Variants in CRTC1 observed in about 807,000 individuals in gnomAD.
The protein encoded by CRTC1 is CREB regulated transcription coactivator 1.
In CRTC1, 18 loss-of-function variants were observed where a neutral mutation model predicts 66.1. The ratio of observed to expected loss-of-function variants is 0.27; its 90% confidence interval spans 0.19 to 0.40. CRTC1 has a LOEUF of 0.40. Among genes scored for constraint, CRTC1 ranks in the 10% least tolerant of loss-of-function variants. The pLI, the probability that CRTC1 is intolerant of heterozygous loss-of-function variation, is 1.00. For missense variants in CRTC1, 669 were observed against 887.9 expected (o/e 0.75, Z 3.13); for synonymous variants, 416 against 398.8 (o/e 1.04, Z -0.51).
intron 10 of CRTC1, among the ~76,000 whole-genome samples, chr19:18,769,692 C>T (rs931398780): frequency 5.9e-5 from 9 of 152,036 alleles, no homozygotes; most frequent in Non-Finnish European, 1.0e-4. Flanking sequence ...GGTGGGGCCT[C>T]GCCTTGGAGC....
intron 1 of CRTC1, among the ~76,000 whole-genome samples, chr19:18,740,887 C>A (rs1014693284): frequency 6.6e-6 from 1 of 152,120 alleles, no homozygotes; most frequent in Non-Finnish European, 1.5e-5. Context: ...TGCCTGTAGT[C>A]TCAGCTAGTT....
chr19:18,762,966 G>A (rs920885040), intron 8 of CRTC1, among the ~76,000 whole-genome samples: 5 of 152,228 alleles, frequency 3.3e-5, no homozygotes, highest in Admixed American at 6.5e-5. Context: ...GCCACATCTT[G>A]ACGTTTCTGA....
At chr19:18,694,298 CAAAAAAAAA>C (rs202211420) in intron 1 of CRTC1, among the ~76,000 whole-genome samples, 2 of 91,330 alleles carry the variant, frequency 2.2e-5, no homozygotes, top group Admixed American at 2.3e-4. Context: ...GACTCCATCT[CAAAAAAAAA>C]AAAAAAAAAA....
chr19:18,695,913 C>T (rs1235330764), intron 1 of CRTC1, among the ~76,000 whole-genome samples: 1 of 152,132 alleles, frequency 6.6e-6, no homozygotes, highest in Non-Finnish European at 1.5e-5. Flanking sequence ...ACAGGATGGC[C>T]CCCACCACAG....
chr19:18,726,569 C>G (rs770547066), intron 1 of CRTC1, among the ~76,000 whole-genome samples: 1 of 152,182 alleles, frequency 6.6e-6, no homozygotes, highest in African/African-American at 2.4e-5. Context: ...TACAGATGGA[C>G]TTAAGTCATG....
At chr19:18,773,741 T>G (rs576792627) in intron 11 of CRTC1, among the ~76,000 whole-genome samples, 1 of 152,224 alleles carries the variant, frequency 6.6e-6, no homozygotes, top group African/African-American at 2.4e-5. Flanking sequence ...CCTTTTTACC[T>G]CTTCTCTGGC....
rs2054487470 is a variant in CRTC1, at chr19:18,756,350, A to AC, written c.624+2765_624+2766insC. Among the ~76,000 whole-genome samples, 4 of 150,676 alleles carry AC rather than the reference A, an allele frequency of 2.7e-5. No individual in the cohort carries two copies. The South Asian group carries it at 6.3e-4, about 24-fold the overall frequency. On this transcript the variant is annotated intron_variant, in intron 6 of 13. Coordinates refer to ENST00000321949, the MANE Select transcript of CRTC1 (RefSeq NM_015321.3). Reference sequence around the variant, plus strand: ...ACTCCATCTCAAAAAAAAAAAAAAAAAAAAACTCTAGGCTGGACGGACACA... The same window carrying AC: ...ACTCCATCTCAAAAAAAAAAAAAAAACAAAAACTCTAGGCTGGACGGACACA...
chr19:18,756,349 A>AAT (rs1196356345), intron 6 of CRTC1, among the ~76,000 whole-genome samples: 1 of 150,666 alleles, frequency 6.6e-6, no homozygotes, highest in Non-Finnish European at 1.5e-5. Context: ...AAAAAAAAAA[A>AAT]AAAAAACTCT....
intron 1 of CRTC1, among the ~76,000 whole-genome samples, chr19:18,702,169 C>T (rs1475474119): frequency 2.0e-5 from 3 of 151,390 alleles, no homozygotes; most frequent in Admixed American, 6.6e-5. Flanking sequence ...GTGATTTGCC[C>T]GCCTCAGCCT....
In CRTC1 at chr19:18,760,881, C is replaced by T. The variant is rs2054598558; in HGVS notation, c.886+653C>T. ...GTCAGCGTGTCCTGTCGGTTCCGCC[C>T]TCAGGACCTGGCCTGACCTGGCTCC... On this transcript the variant is annotated intron_variant, in intron 8 of 13. Coordinates refer to ENST00000321949, the MANE Select transcript of CRTC1 (RefSeq NM_015321.3). The surrounding 1 kb of genome is among the most constrained non-coding windows in gnomAD (Gnocchi z 6.2). Among the ~76,000 whole-genome samples, 1 of 152,038 alleles carries T rather than the reference C, an allele frequency of 6.6e-6. No individual in the cohort carries two copies. Among genetic ancestry groups the T allele is most frequent in the African/African-American group, 2.4e-5 (1 of 41,358 alleles).
In CRTC1 at chr19:18,771,869, C is replaced by T. The variant is rs572299588; in HGVS notation, c.1425+323C>T. 6.6e-6 allele frequency among the ~76,000 whole-genome samples: 1 copy of T among 152,310 alleles called. No individual in the cohort carries two copies. Among genetic ancestry groups the T allele is most frequent in the African/African-American group, 2.4e-5 (1 of 41,552 alleles). ...GGCCCAGGGACAATGCCCTCCACAC[C>T]CAGTGTGTCACCCAGAGCATGAGCT... is the stretch of plus-strand genomic sequence containing the variant. On this transcript the variant is annotated intron_variant, in intron 11 of 13. Transcript: ENST00000321949. This position sits in a 1 kb window ranked among gnomAD's most constrained non-coding sequence, Gnocchi z 4.6.
intron 6 of CRTC1, 105 bp from the exon 7 acceptor site, chr19:18,759,446 C>T: frequency 8.1e-7 from 1 of 1,233,348 alleles, no homozygotes; most frequent in Non-Finnish European, 1.1e-6. Flanking sequence ...TGATGCATCT[C>T]TGGGCTTTGT....
chr19:18,740,672 C>A (rs2054091588), intron 1 of CRTC1, among the ~76,000 whole-genome samples: 1 of 152,168 alleles, frequency 6.6e-6, no homozygotes, highest in Non-Finnish European at 1.5e-5. Context: ...CTGTACAACT[C>A]CTCATGCAAA....
chr19:18,730,426 G>T (rs1341016414), intron 1 of CRTC1, among the ~76,000 whole-genome samples: 2 of 152,016 alleles, frequency 1.3e-5, no homozygotes, highest in East Asian at 3.9e-4. Context: ...TTCCGGGTAG[G>T]CCTGTCTTCA....
intron 6 of CRTC1, among the ~76,000 whole-genome samples, chr19:18,758,025 T>G (rs879630597): frequency 4.9e-5 from 7 of 143,764 alleles, no homozygotes; most frequent in Non-Finnish European, 9.1e-5. Flanking sequence ...CTCAAAAAAT[T>G]AAATAAAAAT....
Position 18,688,542 on chromosome 19 carries a change from G to A in CRTC1, c.126+4714G>A, listed in dbSNP as rs184169274. On this transcript the variant is annotated intron_variant, in intron 1 of 13. Transcript: ENST00000321949. ...CAACCTCCGCCTCCTGGGTTCAAGC[G>A]ATTCTTCTGCCTCAGCCTCCCAAGT... Among the ~76,000 whole-genome samples, 25 of 152,064 alleles carry A rather than the reference G, an allele frequency of 1.6e-4. 1 individual carries two copies. Among genetic ancestry groups the A allele is most frequent in the African/African-American group, 5.3e-4 (22 of 41,424 alleles).
Position 18,741,855 on chromosome 19 carries a change from C to T in CRTC1, c.127-1055C>T, listed in dbSNP as rs1033286650. On this transcript the variant is annotated intron_variant, in intron 1 of 13. Transcript: ENST00000321949. This position sits in a 1 kb window ranked among gnomAD's most constrained non-coding sequence, Gnocchi z 4.2. Reference sequence around the variant, plus strand: ...GTGGCCAGTTCCCGGGCTTTACTTCCGCCTCCGGTGTCCAGGGCCCCCTAG... The same window carrying T: ...GTGGCCAGTTCCCGGGCTTTACTTCTGCCTCCGGTGTCCAGGGCCCCCTAG... Among the ~76,000 whole-genome samples, 3 of 152,186 alleles carry T rather than the reference C, an allele frequency of 2.0e-5. No homozygotes were observed. The highest frequency in any genetic ancestry group is 1.3e-4 in the Admixed American group (2 of 15,276).
chr19:18,779,462 T>A lies in CRTC1; in HGVS notation c.*2080T>A, dbSNP rs1033544452. On this transcript the variant is annotated 3_prime_UTR_variant, in exon 14 of 14. Coordinates refer to ENST00000321949, the MANE Select transcript of CRTC1 (RefSeq NM_015321.3). ...CTGGGGGCAGACAGCGGGGACTTTTTTTTTTTTTTAAGAAAAACTACATGT... is the reference window on the plus strand; with the variant it reads ...CTGGGGGCAGACAGCGGGGACTTTTATTTTTTTTTAAGAAAAACTACATGT... 2 of 218,684 alleles carry A rather than the reference T, an allele frequency of 9.1e-6. No individual in the cohort carries two copies. The highest frequency in any genetic ancestry group is 4.5e-5 in the African/African-American group (2 of 44,344). 13.5% of individuals were successfully genotyped at this position (218,684 alleles called of 1,614,324 possible). A position where few individuals can be genotyped will look rare whatever the true frequency, so the allele number is the denominator to read the frequency against.
At chr19:18,697,211 C>T (rs1453016381) in intron 1 of CRTC1, among the ~76,000 whole-genome samples, 1 of 152,102 alleles carries the variant, frequency 6.6e-6, no homozygotes, top group African/African-American at 2.4e-5. Context: ...GGGGCCTCCT[C>T]CTTGGGGTTC....
Sources: allele counts gnomAD v4.1 joint callset (sites outside exome capture counted in the v4.1 genomes callset), GRCh38; gene constraint gnomAD v4.1.1; non-coding constraint Gnocchi (gnomAD v3.1); transcripts MANE v1.5; gene names NCBI Gene and HGNC (gene_info 2026-07-23, HGNC 2026-07-21).